TRPC7: variants seen among roughly 807,000 people sequenced by gnomAD.
TRPC7 encodes the protein short transient receptor potential channel 7.
TRPC7 carries 42 observed loss-of-function variants against 90.1 expected under a neutral mutation model. The observed-to-expected ratio is 0.47, with a 90% confidence interval of 0.36 to 0.60. The LOEUF is 0.60. TRPC7 is among the 20% of genes least tolerant of loss of function. The probability of loss-of-function intolerance (pLI) is 0.00; values close to 1 mark genes in which losing one functional copy is unlikely to be tolerated. For synonymous variants in TRPC7, 451 were observed against 436.3 expected (o/e 1.03, Z -0.42); for missense variants, 955 against 1,112.3 (o/e 0.86, Z 2.01).
At chr5:136,220,577 G>A (rs1755421854) in intron 10 of TRPC7, among the ~76,000 whole-genome samples, 1 of 152,198 alleles carries the variant, frequency 6.6e-6, no homozygotes, top group Admixed American at 6.5e-5. Flanking sequence ...CCTGTTTTCT[G>A]TTGTTTAAGA....
intron 1 of TRPC7, 28 bp downstream of exon 1, chr5:136,365,225 A>T: frequency 1.3e-6 from 2 of 1,536,986 alleles, no homozygotes; most frequent in African/African-American, 1.4e-5. Flanking sequence ...AAAAAAATCA[A>T]TATGAAAGAA....
rs1758947426 is a variant in TRPC7, at chr5:136,314,518, G to C, written c.963+1079C>G. 2.0e-5 allele frequency: 3 copies of C among 152,236 alleles called. No homozygotes were observed. The South Asian group carries it at 6.2e-4, about 32-fold the overall frequency. The allele number at this position is 152,236 out of a possible 1,614,324, so 9.4% of individuals were successfully genotyped here. A position where few individuals can be genotyped will look rare whatever the true frequency, so the allele number is the denominator to read the frequency against. On this transcript the variant is annotated intron_variant, in intron 3 of 11. Coordinates refer to ENST00000513104, the MANE Select transcript of TRPC7 (RefSeq NM_020389.3). ...CATGAGTCATCAATTTCATCTTTGAGCTCAGAGTCTTAGGCAAAGTTGTTT... is the reference window on the plus strand; with the variant it reads ...CATGAGTCATCAATTTCATCTTTGACCTCAGAGTCTTAGGCAAAGTTGTTT...
At chr5:136,355,789 C>T (rs1760350691) in intron 2 of TRPC7, among the ~76,000 whole-genome samples, 1 of 152,070 alleles carries the variant, frequency 6.6e-6, no homozygotes, top group African/African-American at 2.4e-5. Flanking sequence ...CAGTGCAAGA[C>T]TCTGCCTCAA....
intron 11 of TRPC7, among the ~76,000 whole-genome samples, chr5:136,215,822 CAA>C (rs567520289): frequency 6.1e-5 from 7 of 115,252 alleles, no homozygotes; most frequent in Admixed American, 9.2e-5. Flanking sequence ...GACTCCATCT[CAA>C]AAAAAAAAAA....
At position 136,231,444 on chromosome 5, in the gene TRPC7, G is replaced by A. The variant is rs774590091; in HGVS notation, c.1950C>T (p.Tyr650=). The stretch of plus-strand genomic sequence containing the variant: ...TGACGTTATAAACGCCGTAGAGAAC[G>A]TAGCCAATGTTCTCGATGAATTTGT... ...YDHKFIENIG[Y]VLYGVYNVTM... Residue 650 remains tyrosine, a synonymous_variant, in exon 8 of 12, where the codon TAC becomes TAT. Transcript: ENST00000513104. The A allele has an allele frequency of 8.7e-6, 14 of 1,612,812 alleles. No homozygotes were observed. The highest frequency in any genetic ancestry group is 1.6e-4 in the Middle Eastern group (1 of 6,084).
intron 3 of TRPC7, among the ~76,000 whole-genome samples, chr5:136,278,644 T>G (rs1300399603): frequency 6.6e-6 from 1 of 152,032 alleles, no homozygotes; most frequent in Non-Finnish European, 1.5e-5. Context: ...ATTCATACCA[T>G]CATCTGGAGG....
chr5:136,319,715 A>C lies in TRPC7; in HGVS notation c.781-3936T>G, dbSNP rs572982002. 3.0e-5 allele frequency among the ~76,000 whole-genome samples: 4 copies of C among 134,306 alleles called. No individual in the cohort carries two copies. The South Asian group carries it at 9.4e-4, about 32-fold the overall frequency. 88.1% of individuals were successfully genotyped at this position (134,306 alleles called of 152,430 possible). A position where few individuals can be genotyped will look rare whatever the true frequency, so the allele number is the denominator to read the frequency against. On this transcript the variant is annotated intron_variant, in intron 2 of 11. Transcript: ENST00000513104. ...AGTTGGTTCCCAGTCCTCATTTTACATGACCTACCAAGTGCTTTAACATGG... is the reference window on the plus strand; with the variant it reads ...AGTTGGTTCCCAGTCCTCATTTTACCTGACCTACCAAGTGCTTTAACATGG...
At chr5:136,306,034 C>T (rs1410810783) in intron 3 of TRPC7, among the ~76,000 whole-genome samples, 1 of 152,118 alleles carries the variant, frequency 6.6e-6, no homozygotes, top group Non-Finnish European at 1.5e-5. Context: ...CTTGTCATCC[C>T]TACTATTTTC....
At chr5:136,346,387 T>G (rs569316057) in intron 2 of TRPC7, among the ~76,000 whole-genome samples, 1 of 152,222 alleles carries the variant, frequency 6.6e-6, no homozygotes, top group South Asian at 2.1e-4. Context: ...CTTTAAAAGG[T>G]TTTTGTCATA....
At chr5:136,260,500 C>T (rs1347499636) in intron 5 of TRPC7, among the ~76,000 whole-genome samples, 1 of 152,062 alleles carries the variant, frequency 6.6e-6, no homozygotes, top group Non-Finnish European at 1.5e-5. Flanking sequence ...GAGGGGACAG[C>T]CAGGGCAAGT....
chr5:136,328,729 A>G (rs1262623854), intron 2 of TRPC7, among the ~76,000 whole-genome samples: 1 of 152,282 alleles, frequency 6.6e-6, no homozygotes, highest in Non-Finnish European at 1.5e-5. Flanking sequence ...AGTATTGACC[A>G]ATATTATGAT....
At chr5:136,227,033 G>A (rs959968594) in intron 8 of TRPC7, among the ~76,000 whole-genome samples, 2 of 152,186 alleles carry the variant, frequency 1.3e-5, no homozygotes, top group Non-Finnish European at 2.9e-5. Context: ...AGTGCTGCCA[G>A]GGAGGATGTT....
intron 2 of TRPC7, among the ~76,000 whole-genome samples, chr5:136,336,840 C>T (rs564753913): frequency 6.6e-6 from 1 of 152,256 alleles, no homozygotes; most frequent in East Asian, 1.9e-4. Context: ...AGGACATGAA[C>T]TCATCCTTGG....
At chr5:136,332,417 A>G (rs991161686) in intron 2 of TRPC7, among the ~76,000 whole-genome samples, 4 of 152,126 alleles carry the variant, frequency 2.6e-5, no homozygotes, top group Non-Finnish European at 4.4e-5. Context: ...GAGGGCTTCA[A>G]GGAGGAGAGT....
At chr5:136,252,321 A>C (rs1299557656) in intron 5 of TRPC7, among the ~76,000 whole-genome samples, 1 of 151,898 alleles carries the variant, frequency 6.6e-6, no homozygotes, top group Non-Finnish European at 1.5e-5. Flanking sequence ...AGAACCTAGA[A>C]CTATGGTTTT....
chr5:136,353,419 GT>G (rs1760264609), intron 2 of TRPC7, among the ~76,000 whole-genome samples: 1 of 152,134 alleles, frequency 6.6e-6, no homozygotes, highest in African/African-American at 2.4e-5. Flanking sequence ...GAATCTGATA[GT>G]TTTTTACACA....
In TRPC7 at chr5:136,363,635, G is replaced by T. The variant is rs900106373; in HGVS notation, c.2+1618C>A. The stretch of plus-strand genomic sequence containing the variant: ...TTTCCAAATAATTCTACTAATGTGG[G>T]ATGGTTTTTCCATTGCATCTTGGAA... On this transcript the variant is annotated intron_variant, in intron 1 of 11. Transcript: ENST00000513104. 2.0e-5 allele frequency among the ~76,000 whole-genome samples: 3 copies of T among 152,002 alleles called. No individual in the cohort carries two copies. In the East Asian group the frequency reaches 5.8e-4, roughly 29 times the overall value.
intron 3 of TRPC7, among the ~76,000 whole-genome samples, chr5:136,279,898 C>T (rs1200689789): frequency 1.3e-5 from 2 of 152,162 alleles, no homozygotes; most frequent in Non-Finnish European, 2.9e-5. Context: ...CTTCAAGACC[C>T]AACTTCCCCT....
At chr5:136,332,421 G>C (rs1759531401) in intron 2 of TRPC7, among the ~76,000 whole-genome samples, 2 of 152,082 alleles carry the variant, frequency 1.3e-5, no homozygotes, top group Admixed American at 1.3e-4. Flanking sequence ...GCTTCAAGGA[G>C]GAGAGTTGAC....
Sources: gnomAD v4.1 joint callset for allele counts (sites outside exome capture counted in the v4.1 genomes callset) on GRCh38, gnomAD v4.1.1 for gene constraint, MANE v1.5 for transcripts, NCBI Gene and HGNC (gene_info 2026-07-23, HGNC 2026-07-21) for gene names.